Variants in UPF2 observed in about 807,000 individuals in gnomAD.
UPF2 encodes UPF2 regulator of nonsense mediated mRNA decay.
In UPF2, 17 loss-of-function variants were observed where a neutral mutation model predicts 141.4. That is an observed-to-expected ratio of 0.12 (90% CI 0.08 to 0.18). UPF2 has a LOEUF of 0.18. UPF2 is among the 10% of genes least tolerant of loss of function. The pLI is 1.00. For missense variants in UPF2, 1,152 were observed against 1,515.9 expected, an observed-to-expected ratio of 0.76 and a Z score of 3.99; for synonymous variants, 540 against 498.0, an observed-to-expected ratio of 1.08 and a Z score of -1.12.
Position 11,975,122 on chromosome 10 carries a change from G to A in UPF2, c.1953+3935C>T, listed in dbSNP as rs542978885. ...ATAAAAGTTGTCTCCCCAGTCAGGC[G>A]TGTTGGCATGCGCCTGTAGTCGTAG... is the stretch of plus-strand genomic sequence containing the variant. On this transcript the variant is annotated intron_variant, in intron 9 of 21. Coordinates refer to ENST00000357604, the MANE Select transcript of UPF2 (RefSeq NM_015542.4). 2.6e-5 allele frequency among the ~76,000 whole-genome samples: 4 copies of A among 152,298 alleles called. No individual in the cohort carries two copies. The South Asian group carries it at 8.3e-4, about 32-fold the overall frequency.
intron 3 of UPF2, among the ~76,000 whole-genome samples, chr10:12,025,913 GCC>G (rs1164491514): frequency 1.3e-5 from 2 of 152,002 alleles, no homozygotes; most frequent in Non-Finnish European, 2.9e-5. Context: ...TCCCACCTCA[GCC>G]CCCAAGTAGC....
chr10:11,982,286 C>A (rs1046859478), intron 8 of UPF2, among the ~76,000 whole-genome samples: 2 of 152,160 alleles, frequency 1.3e-5, no homozygotes, highest in Admixed American at 6.5e-5. Flanking sequence ...ACAGGTACAA[C>A]AGCAAAGGTA....
intron 4 of UPF2, among the ~76,000 whole-genome samples, chr10:12,012,595 C>T (rs557145597): frequency 3.3e-5 from 5 of 151,674 alleles, no homozygotes; most frequent in Non-Finnish European, 4.4e-5. Context: ...GTCAGGAGAT[C>T]GAGATCATCC....
intron 8 of UPF2, among the ~76,000 whole-genome samples, chr10:11,990,646 C>T (rs147321907): frequency 0.014 from 2,008 of 148,410 alleles, 45 homozygotes; most frequent in African/African-American, 0.047. Flanking sequence ...TGCCACTGCA[C>T]TCCAGCCTGG....
At chr10:11,941,598 C>G (rs1832937149) in intron 18 of UPF2, among the ~76,000 whole-genome samples, 2 of 152,050 alleles carry the variant, frequency 1.3e-5, no homozygotes, top group South Asian at 4.1e-4. Context: ...ACTCTACGAC[C>G]TTCTCTAGCT....
chr10:11,946,709 T>C (rs1394947862), intron 16 of UPF2, among the ~76,000 whole-genome samples: 2 of 152,240 alleles, frequency 1.3e-5, no homozygotes, highest in Non-Finnish European at 2.9e-5. Context: ...CTCGAGATTA[T>C]AAAGCAAATC....
At chr10:11,972,291 T>A (rs1833431912) in intron 9 of UPF2, among the ~76,000 whole-genome samples, 1 of 152,202 alleles carries the variant, frequency 6.6e-6, no homozygotes, top group African/African-American at 2.4e-5. Flanking sequence ...TATTCACTCA[T>A]CAAACTTTTC....
chr10:12,037,181 C>T (rs756104232), intron 1 of UPF2, among the ~76,000 whole-genome samples: 9 of 151,984 alleles, frequency 5.9e-5, no homozygotes, highest in Non-Finnish European at 1.2e-4. Context: ...ACCTCGCAGG[C>T]TCAAGTGACC....
rs986340489 is a variant in UPF2 at position 11,939,501 on chromosome 10, G to T, written c.3379-2789C>A. On this transcript the variant is annotated intron_variant, in intron 18 of 21. Transcript: ENST00000357604. This position sits in a 1 kb window ranked among gnomAD's most constrained non-coding sequence, Gnocchi z 4.8. Reference sequence around the variant, plus strand: ...TTCCTGTATCAAACTATTATTGTCAGTTTAAAATGTTTTATCTTTTTTTTT... The same window carrying T: ...TTCCTGTATCAAACTATTATTGTCATTTTAAAATGTTTTATCTTTTTTTTT... 3.5e-5 allele frequency among the ~76,000 whole-genome samples: 5 copies of T among 144,118 alleles called. No homozygotes were observed. Among genetic ancestry groups the T allele is most frequent in the African/African-American group, 1.3e-4 (5 of 37,558 alleles). 94.5% of individuals were successfully genotyped at this position (144,118 alleles called of 152,430 possible). A position where few individuals can be genotyped will look rare whatever the true frequency, so the allele number is the denominator to read the frequency against.
In UPF2 at chr10:11,959,848, C is replaced by A. The variant is rs1833212263; in HGVS notation, c.2185-492G>T. ...ATCAAAGAGCATGTAAGCATACTAA[C>A]TGTTATACTACTTATCATTTTTAGA... On this transcript the variant is annotated intron_variant, in intron 11 of 21. Coordinates refer to ENST00000357604, the MANE Select transcript of UPF2 (RefSeq NM_015542.4). The surrounding 1 kb of genome is among the most constrained non-coding windows in gnomAD (Gnocchi z 5.9). Among the ~76,000 whole-genome samples the A allele has an allele frequency of 6.6e-6, 1 of 152,306 alleles. No homozygotes were observed. The highest frequency in any genetic ancestry group is 2.4e-5 in the African/African-American group (1 of 41,566).
In UPF2 at chr10:11,980,891, T is replaced by G. The variant is rs995164008; in HGVS notation, c.1845-1726A>C. Among the ~76,000 whole-genome samples the G allele has an allele frequency of 5.9e-5, 9 of 151,984 alleles. No individual in the cohort carries two copies. The highest frequency in any genetic ancestry group is 1.9e-4 in the African/African-American group (8 of 41,386). ...GACACTGAAAAAAGAAGGATGGAAA[T>G]AAATTTGAAAGGTATGGTTAGGCTG... On this transcript the variant is annotated intron_variant, in intron 8 of 21. Coordinates refer to ENST00000357604, the MANE Select transcript of UPF2 (RefSeq NM_015542.4). The surrounding 1 kb of genome is among the most constrained non-coding windows in gnomAD (Gnocchi z 4.2).
At position 12,042,518 on chromosome 10, in the gene UPF2, G is replaced by GC. The variant is rs992677598; in HGVS notation, c.-19+236dup. On this transcript the variant is annotated intron_variant, in intron 1 of 21. Coordinates refer to ENST00000357604, the MANE Select transcript of UPF2 (RefSeq NM_015542.4). The surrounding 1 kb of genome is among the most constrained non-coding windows in gnomAD (Gnocchi z 5.5). ...ATGTGGGGCAGGCACCTCCTCCACC[G>GC]CCCCCCAAGCATGGCCCGGCCCGGG... is the stretch of plus-strand genomic sequence containing the variant. Among the ~76,000 whole-genome samples, 1 of 152,120 alleles carries GC rather than the reference G, an allele frequency of 6.6e-6. No individual in the cohort carries two copies. Among genetic ancestry groups the GC allele is most frequent in the African/African-American group, 2.4e-5 (1 of 41,508 alleles).
intron 2 of UPF2, among the ~76,000 whole-genome samples, chr10:12,033,233 G>A (rs140113301): frequency 2.3e-4 from 35 of 152,126 alleles, no homozygotes; most frequent in African/African-American, 7.7e-4. Flanking sequence ...GAAAGACACC[G>A]TTTCCAAAAA....
intron 11 of UPF2, among the ~76,000 whole-genome samples, chr10:11,962,965 A>G (rs1312513478): frequency 6.6e-6 from 1 of 152,100 alleles, no homozygotes; most frequent in East Asian, 1.9e-4. Flanking sequence ...ATTAAATCAT[A>G]ATGTATTTTT....
At chr10:11,954,659 T>TATATAC (rs1251615831) in intron 14 of UPF2, among the ~76,000 whole-genome samples, 1 of 146,672 alleles carries the variant, frequency 6.8e-6, no homozygotes, top group Admixed American at 6.9e-5. Flanking sequence ...TATATATATA[T>TATATAC]ATACATATAT....
At chr10:11,945,437 G>A (rs1222431965) in intron 16 of UPF2, among the ~76,000 whole-genome samples, 5 of 152,070 alleles carry the variant, frequency 3.3e-5, no homozygotes, top group South Asian at 2.1e-4. Context: ...TTTGGAGGGC[G>A]GTCATAGGAA....
chr10:12,039,179 A>G (rs996784411), intron 1 of UPF2, among the ~76,000 whole-genome samples: 9 of 152,132 alleles, frequency 5.9e-5, no homozygotes, highest in African/African-American at 9.7e-5. Flanking sequence ...TATTTTCCCT[A>G]TTTTATAAAT....
intron 3 of UPF2, among the ~76,000 whole-genome samples, chr10:12,023,832 A>T (rs906685670): frequency 1.3e-5 from 2 of 151,976 alleles, no homozygotes; most frequent in Admixed American, 1.3e-4. Context: ...CTCCACCAAA[A>T]ATACAAAAAA....
rs374477451 is a variant in UPF2, at chr10:11,921,363, G to A, written c.3810-56C>T. 452 of 1,611,154 alleles carry A rather than the reference G, an allele frequency of 2.8e-4. 1 individual carries two copies. In the African/African-American group the frequency reaches 5.7e-3, roughly 20 times the overall value. Reference sequence around the variant, plus strand: ...GCTTACTGCCACAGGACAAAGTCCAGCAAGATGGCGTCTGCAACGCTACCC... The same window carrying A: ...GCTTACTGCCACAGGACAAAGTCCAACAAGATGGCGTCTGCAACGCTACCC... On this transcript the variant is annotated intron_variant, in intron 21 of 21. Transcript: ENST00000357604. This position sits in a 1 kb window ranked among gnomAD's most constrained non-coding sequence, Gnocchi z 5.9.
Sources: gnomAD v4.1 joint callset for allele counts (sites outside exome capture counted in the v4.1 genomes callset) on GRCh38, gnomAD v4.1.1 for gene constraint, Gnocchi (gnomAD v3.1) non-coding constraint, MANE v1.5 for transcripts, NCBI Gene and HGNC (gene_info 2026-07-23, HGNC 2026-07-21) for gene names.